The following TTLL9 variants were observed in gnomAD, a reference collection of about 807,000 sequenced individuals.
The protein encoded by TTLL9 is tubulin tyrosine ligase like 9, also known as probable tubulin polyglutamylase TTLL9.
Under a neutral mutation model 65.6 loss-of-function variants are expected in TTLL9, and 47 were observed. The observed-to-expected ratio is 0.72, with a 90% CI of 0.57 to 0.91. The LOEUF (loss-of-function observed/expected upper bound fraction) is 0.91. Among genes scored for constraint, TTLL9 ranks in the 40% least tolerant of loss-of-function variants. The pLI, the probability that TTLL9 is intolerant of heterozygous loss-of-function variation, is 0.00. For synonymous variants in TTLL9, 179 were observed against 204.8 expected, an observed-to-expected ratio of 0.87 and a Z score of 1.07; for missense variants, 537 against 568.8, an observed-to-expected ratio of 0.94 and a Z score of 0.57.
rs1187777762 is a variant in TTLL9 at position 31,938,909 on chromosome 20, A to C, written c.1119-233A>C. ...GAACAAAAACAAACAAACAAAAAAA[A>C]CAAATAGGGGCATGTTACCAAGAGC... On this transcript the variant is annotated intron_variant, in intron 13 of 14. Transcript: ENST00000535842. Among the ~76,000 whole-genome samples the C allele has an allele frequency of 3.9e-5, 6 of 152,270 alleles. 1 individual carries two copies. Among genetic ancestry groups the C allele is most frequent in the East Asian group, 1.9e-4 (1 of 5,178 alleles).
chr20:31,933,996 C>G (rs780042121), intron 11 of TTLL9, 138 bp downstream of exon 11: 6 of 845,224 alleles, frequency 7.1e-6, no homozygotes, highest in Non-Finnish European at 1.1e-5. Context: ...ACCCATCCCA[C>G]TTGCAGGGCT....
At chr20:31,942,679 T>C (rs934950298) in intron 14 of TTLL9, among the ~76,000 whole-genome samples, 11 of 152,332 alleles carry the variant, frequency 7.2e-5, no homozygotes, top group African/African-American at 2.2e-4. Context: ...AGTTCCTGGC[T>C]TGAGGTAAGC....
intron 3 of TTLL9, among the ~76,000 whole-genome samples, chr20:31,887,855 C>CCTCTTCTCTACTCTTCTCTTCTCTT (rs2063215872): frequency 8.7e-6 from 1 of 114,926 alleles, no homozygotes; most frequent in Non-Finnish European, 1.8e-5. Flanking sequence ...TATCTCCTCT[C>CCTCTTCTCTACTCTTCTCTTCTCTT]CTCTTCTCTT....
intron 3 of TTLL9, among the ~76,000 whole-genome samples, chr20:31,890,485 A>G (rs2063293672): frequency 6.6e-6 from 1 of 152,102 alleles, no homozygotes; most frequent in African/African-American, 2.4e-5. Flanking sequence ...TTATTTACCC[A>G]TCTTCCTGTG....
At chr20:31,873,772 A>G (rs892567352) in intron 2 of TTLL9, among the ~76,000 whole-genome samples, 13 of 142,962 alleles carry the variant, frequency 9.1e-5, no homozygotes, top group African/African-American at 1.3e-4. Context: ...AAGAAAGAGA[A>G]AGAAAGAAAG....
At chr20:31,923,097 T>G in intron 8 of TTLL9, 44 bp downstream of exon 8, 1 of 1,463,458 alleles carries the variant, frequency 6.8e-7, no homozygotes, top group Non-Finnish European at 9.6e-7. Flanking sequence ...TGCATGGTCA[T>G]CAAACAGTCA....
chr20:31,920,691 G>T (rs1318663179), intron 7 of TTLL9: 1 of 152,764 alleles, frequency 6.5e-6, no homozygotes, highest in Non-Finnish European at 1.5e-5. Context: ...CAGCCTGCCT[G>T]GAGCACGGTC....
rs116795843 is a variant in TTLL9, at chr20:31,880,799, C to G, written c.70-6397C>G. ...ACTGCGCCCAGCCTCCATCTTACTT[C>G]TTAATCCCAGCTCTCATTCATGAAT... is the stretch of plus-strand genomic sequence containing the variant. On this transcript the variant is annotated intron_variant, in intron 2 of 14. Transcript: ENST00000535842. Among the ~76,000 whole-genome samples the G allele has an allele frequency of 1.4e-3, 208 of 150,582 alleles. 1 individual carries two copies. The highest frequency in any genetic ancestry group is 4.8e-3 in the African/African-American group (197 of 40,930).
chr20:31,896,031 G>T (rs1019308529), intron 3 of TTLL9, among the ~76,000 whole-genome samples: 2 of 152,022 alleles, frequency 1.3e-5, no homozygotes, highest in Non-Finnish European at 2.9e-5. Context: ...GTAGAGATGG[G>T]GTTTCACCAT....
chr20:31,897,415 G>T (rs1242641841), intron 3 of TTLL9, among the ~76,000 whole-genome samples: 1 of 152,150 alleles, frequency 6.6e-6, no homozygotes, highest in East Asian at 1.9e-4. Flanking sequence ...TCTTTCCTTT[G>T]TCAGTCTTGC....
intron 2 of TTLL9, among the ~76,000 whole-genome samples, chr20:31,876,432 G>A (rs1448647022): frequency 6.6e-6 from 1 of 152,158 alleles, no homozygotes; most frequent in African/African-American, 2.4e-5. Context: ...GGTGACAAGA[G>A]CAAAACTCCG....
At chr20:31,909,504 C>T (rs928429727) in intron 5 of TTLL9, among the ~76,000 whole-genome samples, 5 of 152,210 alleles carry the variant, frequency 3.3e-5, no homozygotes, top group South Asian at 2.1e-4. Flanking sequence ...GCAGCACCTT[C>T]GTTGGATAGC....
At position 31,926,089 on chromosome 20, in the gene TTLL9, A is replaced by C. The variant is rs771644498; in HGVS notation, c.746A>C (p.Gln249Pro). 1.2e-6 allele frequency: 2 copies of C among 1,600,036 alleles called. No individual in the cohort carries two copies. The highest frequency in any genetic ancestry group is 2.7e-5 in the African/African-American group (2 of 74,754). ...ECLLWSGHRR[Q>P]DVHLTNVAVQ... ...CTGCTGTGGTCTGGGCACAGGAGAC[A>C]GGGTATGAGATAGGTCTGGTCCCTT... The change falls in exon 10 of 15, where the codon CAG becomes CCG. Residue 249 changes from glutamine (Q) to proline (P), a missense_variant and splice_region_variant. Around this residue, in one of 3 missense-constraint regions of TTLL9, gnomAD observed 12 missense variants for 32.0 expected, o/e 0.37. Coordinates refer to ENST00000535842, the MANE Select transcript of TTLL9 (RefSeq NM_001008409.5).
chr20:31,887,855 C>CCTCTTCTCTTCTCTTCTCTT (rs11273358), intron 3 of TTLL9, among the ~76,000 whole-genome samples: 17,222 of 114,872 alleles, frequency 0.15, 2,311 homozygotes, highest in East Asian at 0.26. Context: ...TATCTCCTCT[C>CCTCTTCTCTTCTCTTCTCTT]CTCTTCTCTT....
intron 3 of TTLL9, among the ~76,000 whole-genome samples, chr20:31,892,560 G>A (rs752940425): frequency 2.0e-5 from 3 of 152,126 alleles, no homozygotes; most frequent in Non-Finnish European, 4.4e-5. Flanking sequence ...TCTCTTTAAC[G>A]TCTGGCTTAT....
At chr20:31,924,318 A>G (rs914074857) in intron 8 of TTLL9, among the ~76,000 whole-genome samples, 1 of 152,008 alleles carries the variant, frequency 6.6e-6, no homozygotes, top group Non-Finnish European at 1.5e-5. Flanking sequence ...CCAAAACTGC[A>G]TGGGACCTGA....
intron 9 of TTLL9, among the ~76,000 whole-genome samples, chr20:31,925,557 C>G (rs1009442603): frequency 1.3e-5 from 2 of 152,208 alleles, no homozygotes; most frequent in African/African-American, 4.8e-5. Context: ...TCCACCCATT[C>G]ATGCATTCCT....
chr20:31,919,789 G>A, intron 6 of TTLL9, 75 bp from the exon 7 acceptor site: 1 of 1,206,570 alleles, frequency 8.3e-7, no homozygotes, highest in Non-Finnish European at 1.2e-6. Flanking sequence ...ATGCTGGGGA[G>A]AGCCCCCAGC....
intron 4 of TTLL9, among the ~76,000 whole-genome samples, chr20:31,904,607 C>T (rs899757142): frequency 3.3e-5 from 5 of 152,164 alleles, no homozygotes; most frequent in African/African-American, 1.2e-4. Context: ...ATTCTCTTGC[C>T]TTGACCTCCC....
Sources: gnomAD v4.1 joint callset for allele counts (sites outside exome capture counted in the v4.1 genomes callset) on GRCh38, gnomAD v4.1.1 for gene constraint, gnomAD v4.1.1 regional missense constraint, MANE v1.5 for transcripts, NCBI Gene and HGNC (gene_info 2026-07-23, HGNC 2026-07-21) for gene names.